STAG1: variants seen among roughly 807,000 people sequenced by gnomAD.
STAG1 encodes the protein cohesin subunit SA-1.
In STAG1, 26 loss-of-function variants were observed where a neutral mutation model predicts 170.9. The ratio of observed to expected loss-of-function variants is 0.15; its 90% CI spans 0.11 to 0.21. The LOEUF is 0.21. Ranked by LOEUF, STAG1 falls within the 10% of genes least tolerant of loss-of-function variation. The pLI, the probability that STAG1 is intolerant of heterozygous loss-of-function variation, is 1.00. For synonymous variants in STAG1, 514 were observed against 497.7 expected, an observed-to-expected ratio of 1.03 and a Z score of -0.44; for missense variants, 964 against 1,509.5, an observed-to-expected ratio of 0.64 and a Z score of 5.99.
Position 136,669,334 on chromosome 3 carries a change from T to C in STAG1, c.-83-38353A>G, listed in dbSNP as rs1035965840. 2.9e-4 allele frequency among the ~76,000 whole-genome samples: 44 copies of C among 152,180 alleles called. 1 individual carries two copies. The highest frequency in any genetic ancestry group is 1.0e-3 in the African/African-American group (43 of 41,508). ...TGGTCGTTGTTGTTTTTTGTTGTTG[T>C]TTTTGCTTACTTGAATTTTCTTTCT... On this transcript the variant is annotated intron_variant, in intron 1 of 33. Coordinates refer to ENST00000383202, the MANE Select transcript of STAG1 (RefSeq NM_005862.3).
chr3:136,547,031 T>G, intron 5 of STAG1, among the ~76,000 whole-genome samples: 1 of 152,340 alleles, frequency 6.6e-6, no homozygotes, highest in South Asian at 2.1e-4. Flanking sequence ...CTATTTTTCA[T>G]TTTACAAAAC....
chr3:136,500,210 TA>T lies in STAG1; in HGVS notation c.902+12del. 1 of 1,496,470 alleles carries T rather than the reference TA, an allele frequency of 6.7e-7. No homozygotes were observed. Among genetic ancestry groups the T allele is most frequent in the Non-Finnish European group, 9.2e-7 (1 of 1,088,844 alleles). 92.7% of individuals were successfully genotyped at this position (1,496,470 alleles called of 1,614,324 possible). ...AGTGAAAAGCCTTCAAAATTATTTT[TA>T]AAATCTCTTACCGGTATCTATGAAC... On this transcript the variant is annotated intron_variant, in intron 9 of 33. Coordinates refer to ENST00000383202, the MANE Select transcript of STAG1 (RefSeq NM_005862.3).
intron 6 of STAG1, among the ~76,000 whole-genome samples, chr3:136,529,235 C>T (rs1468587253): frequency 2.6e-5 from 4 of 152,054 alleles, no homozygotes; most frequent in Non-Finnish European, 4.4e-5. Flanking sequence ...TTAAAACCTA[C>T]TTAATAAAAT....
intron 22 of STAG1, among the ~76,000 whole-genome samples, chr3:136,390,514 T>C (rs1227634171): frequency 2.6e-5 from 4 of 152,100 alleles, no homozygotes; most frequent in African/African-American, 9.7e-5. Flanking sequence ...AACACATGTA[T>C]TAAAGAACAA....
At chr3:136,537,445 A>G (rs185723993) in intron 6 of STAG1, among the ~76,000 whole-genome samples, 3 of 151,574 alleles carry the variant, frequency 2.0e-5, no homozygotes, top group South Asian at 2.1e-4. Flanking sequence ...TTTAAGTTAC[A>G]TATGACCACT....
intron 1 of STAG1, among the ~76,000 whole-genome samples, chr3:136,631,470 G>A (rs1219719598): frequency 1.3e-5 from 2 of 152,194 alleles, no homozygotes; most frequent in Admixed American, 1.3e-4. Flanking sequence ...TGATGGATGT[G>A]TCATTACAGA....
chr3:136,557,325 G>A (rs1353040708), intron 5 of STAG1, among the ~76,000 whole-genome samples: 3 of 152,000 alleles, frequency 2.0e-5, no homozygotes, highest in East Asian at 3.9e-4. Flanking sequence ...TCCTGTAAAG[G>A]GTTACTTGAT....
intron 1 of STAG1, among the ~76,000 whole-genome samples, chr3:136,657,252 T>G (rs771457516): frequency 7.2e-6 from 1 of 139,524 alleles, no homozygotes; most frequent in Non-Finnish European, 1.5e-5. Context: ...TAGGCTGGAG[T>G]GCAATGGCAC....
intron 1 of STAG1, among the ~76,000 whole-genome samples, chr3:136,709,223 G>C (rs1283565370): frequency 2.0e-5 from 3 of 151,826 alleles, no homozygotes; most frequent in East Asian, 3.9e-4. Flanking sequence ...CCGAGAGGTG[G>C]AGGCTGAAGT....
chr3:136,687,828 C>T (rs989254091), intron 1 of STAG1, among the ~76,000 whole-genome samples: 1 of 151,924 alleles, frequency 6.6e-6, no homozygotes, highest in African/African-American at 2.4e-5. Flanking sequence ...CCTCCACCTC[C>T]TGGGTTCAAG....
At chr3:136,626,894 C>T (rs995261232) in intron 2 of STAG1, among the ~76,000 whole-genome samples, 1 of 152,214 alleles carries the variant, frequency 6.6e-6, no homozygotes, top group Non-Finnish European at 1.5e-5. Context: ...ATCTCAAGAT[C>T]AACCTGAATT....
At chr3:136,646,014 G>A (rs145068006) in intron 1 of STAG1, among the ~76,000 whole-genome samples, 2 of 152,086 alleles carry the variant, frequency 1.3e-5, no homozygotes, top group African/African-American at 4.8e-5. Flanking sequence ...TCCACAGCCC[G>A]ACACTTTAAC....
rs145488431 is a variant in STAG1, at chr3:136,421,074, T to G, written c.2108+19A>C. On this transcript the variant is annotated intron_variant, in intron 20 of 33. Transcript: ENST00000383202. ...GCATGAGCCACCTCGTTGCCTTTAC[T>G]TTAAATAAAATAACGTACTTGTGAA... is the stretch of plus-strand genomic sequence containing the variant. 1,881 of 1,557,494 alleles carry G rather than the reference T, an allele frequency of 1.2e-3. 27 individuals are homozygous for G. In the African/African-American group the frequency reaches 0.024, roughly 20 times the overall value.
chr3:136,405,640 G>A (rs1356762778), intron 21 of STAG1, among the ~76,000 whole-genome samples: 1 of 151,550 alleles, frequency 6.6e-6, no homozygotes, highest in Non-Finnish European at 1.5e-5. Flanking sequence ...TGGACAGCTT[G>A]AGCCCACAAG....
chr3:136,542,234 T>A (rs1167236436), intron 5 of STAG1, 39 bp from the exon 6 acceptor site: 2 of 1,473,746 alleles, frequency 1.4e-6, no homozygotes, highest in Admixed American at 3.4e-5. Context: ...TTTCAATTAA[T>A]CTTTCAGATC....
Position 136,573,832 on chromosome 3 carries a change from G to A in STAG1, c.298-4971C>T, listed in dbSNP as rs374881279. ...TTAAAATACAAAAAATTAGCGGGGC[G>A]TGGTGGTGGGTGCCTGTAATCCCAG... On this transcript the variant is annotated intron_variant, in intron 4 of 33. Transcript: ENST00000383202. Among the ~76,000 whole-genome samples the A allele has an allele frequency of 6.6e-5, 10 of 151,894 alleles. No homozygotes were observed. In the East Asian group the frequency reaches 1.2e-3, roughly 18 times the overall value.
chr3:136,554,879 C>T (rs117166942), intron 5 of STAG1, among the ~76,000 whole-genome samples: 1,650 of 151,632 alleles, frequency 0.011, 28 homozygotes, highest in East Asian at 0.045. Flanking sequence ...GGGTGAGAAC[C>T]CGTCTCAAAA....
chr3:136,336,657 C>CAAGA lies in STAG1; in HGVS notation c.*1593_*1596dup, dbSNP rs1436161980. 2 of 151,896 alleles carry CAAGA rather than the reference C, an allele frequency of 1.3e-5. No homozygotes were observed. The highest frequency in any genetic ancestry group is 2.9e-5 in the Non-Finnish European group (2 of 67,934). 9.4% of individuals were successfully genotyped at this position (151,896 alleles called of 1,614,324 possible). A position where few individuals can be genotyped will look rare whatever the true frequency, so the allele number is the denominator to read the frequency against. On this transcript the variant is annotated 3_prime_UTR_variant, in exon 34 of 34. Transcript: ENST00000383202. ...GGCCCCAGCTCCCCTAACTGGAGCC[C>CAAGA]AAGAATTGCTGAATTAGCAGAGAAG...
intron 1 of STAG1, among the ~76,000 whole-genome samples, chr3:136,749,785 T>A (rs1162446268): frequency 6.6e-6 from 1 of 151,148 alleles, no homozygotes; most frequent in African/African-American, 2.4e-5. Context: ...GCCTCAGATA[T>A]GCACTGCAAT....
Sources: allele counts gnomAD v4.1 joint callset (sites outside exome capture counted in the v4.1 genomes callset), GRCh38; gene constraint gnomAD v4.1.1; transcripts MANE v1.5; gene names NCBI Gene and HGNC (gene_info 2026-07-23, HGNC 2026-07-21).